Variants in MYO16 observed in about 807,000 individuals in gnomAD.
The protein encoded by MYO16 is myosin XVI, also known as unconventional myosin-XVI.
Under a neutral mutation model 205.3 loss-of-function variants are expected in MYO16, and 94 were observed. The observed-to-expected ratio is 0.46, with a 90% confidence interval of 0.39 to 0.54. The LOEUF is 0.54. Among genes scored for constraint, MYO16 ranks in the 20% least tolerant of loss-of-function variants. MYO16 has a pLI of 0.00. For synonymous variants in MYO16, 988 were observed against 954.0 expected (o/e 1.04, Z -0.66); for missense variants, 2,315 against 2,387.5 (o/e 0.97, Z 0.63).
intron 20 of MYO16, among the ~76,000 whole-genome samples, chr13:108,972,247 C>CTATATATA (rs1249747098): frequency 6.6e-4 from 4 of 6,058 alleles, no homozygotes; most frequent in Admixed American, 5.2e-3. Flanking sequence ...CTCTCTCTCT[C>CTATATATA]TCTATATATA....
rs561603631 is a variant in MYO16, at chr13:109,166,096, C to T, written c.5323+1037C>T. On this transcript the variant is annotated intron_variant, in intron 33 of 34. Coordinates refer to ENST00000457511, the MANE Select transcript of MYO16 (RefSeq NM_001198950.3). ...AGAAATAACCAGGCATAGGAGCACACAAAATAAGATAAAAAATTAAAAGCA... is the reference window on the plus strand; with the variant it reads ...AGAAATAACCAGGCATAGGAGCACATAAAATAAGATAAAAAATTAAAAGCA... Among the ~76,000 whole-genome samples, 6 of 152,112 alleles carry T rather than the reference C, an allele frequency of 3.9e-5. No individual in the cohort carries two copies. The South Asian group carries it at 1.2e-3, about 32-fold the overall frequency.
intron 32 of MYO16, among the ~76,000 whole-genome samples, chr13:109,163,102 T>A (rs971237939): frequency 6.6e-5 from 10 of 152,148 alleles, no homozygotes; most frequent in African/African-American, 2.4e-4. Context: ...ATGCCGATAG[T>A]TTTGCCTTTA....
At chr13:109,184,533 A>C (rs1879595705) in intron 34 of MYO16, among the ~76,000 whole-genome samples, 1 of 152,212 alleles carries the variant, frequency 6.6e-6, no homozygotes, top group Non-Finnish European at 1.5e-5. Flanking sequence ...ATTTATTATC[A>C]GTGAGGAGGA....
At chr13:108,634,143 G>A (rs1880113026) in intron 1 of MYO16, among the ~76,000 whole-genome samples, 1 of 152,136 alleles carries the variant, frequency 6.6e-6, no homozygotes, top group Non-Finnish European at 1.5e-5. Context: ...CAGGCAGGCA[G>A]CACTCTCCTG....
At chr13:108,964,516 A>G (rs536423196) in intron 19 of MYO16, among the ~76,000 whole-genome samples, 124 of 152,348 alleles carry the variant, frequency 8.1e-4, no homozygotes, top group African/African-American at 2.8e-3. Context: ...TACACAACCT[A>G]CAATAAAGGT....
At chr13:108,855,290 T>TTG in intron 10 of MYO16, 153 bp from the exon 11 acceptor site, 4 of 393,834 alleles carry the variant, frequency 1.0e-5, no homozygotes, top group Non-Finnish European at 9.0e-6. Flanking sequence ...TTTTTTTTTT[T>TTG]CTTTTTCATT....
At chr13:108,587,811 G>A in the MYO16 span, among the ~76,000 whole-genome samples, 4,072 of 152,192 alleles carry the variant, frequency 0.027, 175 homozygotes, top group African/African-American at 0.091. Flanking sequence ...CATACAATCA[G>A]GTGGCATTCT....
chr13:109,048,726 T>A (rs1021227133), intron 24 of MYO16: 1 of 165,624 alleles, frequency 6.0e-6, no homozygotes, highest in African/African-American at 2.4e-5. Flanking sequence ...TAAATAATAA[T>A]TTTTATTTGC....
chr13:108,510,572 A>G, the MYO16 span, among the ~76,000 whole-genome samples: 1 of 81,502 alleles, frequency 1.2e-5, no homozygotes, highest in Non-Finnish European at 2.3e-5. Flanking sequence ...CACTGCACCC[A>G]CTAACGTGTC....
intron 33 of MYO16, 47 bp from the exon 34 acceptor site, chr13:109,179,495 G>T: frequency 1.6e-6 from 2 of 1,232,528 alleles, no homozygotes; most frequent in South Asian, 2.4e-5. Context: ...ACTTTATTTG[G>T]AACAAGGAGA....
At position 109,155,466 on chromosome 13, in the gene MYO16, G is replaced by T. The variant is rs530680028; in HGVS notation, c.5165-9435G>T. Among the ~76,000 whole-genome samples, 3 of 152,322 alleles carry T rather than the reference G, an allele frequency of 2.0e-5. No individual in the cohort carries two copies. In the South Asian group the frequency reaches 6.2e-4, roughly 32 times the overall value. ...ACATTTAAAGTCAGTAGAGGGCCGG[G>T]CAAATCCAGTTTCTCAGCACACGCA... is the stretch of plus-strand genomic sequence containing the variant. On this transcript the variant is annotated intron_variant, in intron 32 of 34. Coordinates refer to ENST00000457511, the MANE Select transcript of MYO16 (RefSeq NM_001198950.3).
At chr13:108,984,718 T>G (rs1314379812) in intron 20 of MYO16, among the ~76,000 whole-genome samples, 4 of 152,160 alleles carry the variant, frequency 2.6e-5, no homozygotes, top group Non-Finnish European at 5.9e-5. Flanking sequence ...CTTGGTCATA[T>G]CCTCTGACTC....
intron 10 of MYO16, among the ~76,000 whole-genome samples, chr13:108,848,041 C>A (rs1005301935): frequency 6.6e-6 from 1 of 152,152 alleles, no homozygotes; most frequent in Non-Finnish European, 1.5e-5. Flanking sequence ...TTCAGGTCTG[C>A]AGCTCTGGAG....
At chr13:108,556,383 T>C in the MYO16 span, among the ~76,000 whole-genome samples, 3 of 152,206 alleles carry the variant, frequency 2.0e-5, no homozygotes, top group African/African-American at 7.2e-5. Context: ...TGATGATTAG[T>C]GAGTTTGAGC....
At chr13:109,038,409 G>A (rs539019461) in intron 23 of MYO16, among the ~76,000 whole-genome samples, 3 of 152,232 alleles carry the variant, frequency 2.0e-5, no homozygotes, top group South Asian at 4.1e-4. Context: ...CTGCTTGACT[G>A]CTTGAGCTAC....
At chr13:108,495,789 G>A in the MYO16 span, among the ~76,000 whole-genome samples, 2 of 151,320 alleles carry the variant, frequency 1.3e-5, no homozygotes, top group South Asian at 4.1e-4. Flanking sequence ...GCCTGGCTGC[G>A]CGCAACCGCG....
chr13:108,590,466 G>A, the MYO16 span, among the ~76,000 whole-genome samples: 6 of 152,160 alleles, frequency 3.9e-5, no homozygotes, highest in Non-Finnish European at 7.3e-5. Context: ...TGCACATTTT[G>A]TGTTGAACTG....
chr13:108,996,035 G>C (rs1196256496), intron 21 of MYO16, among the ~76,000 whole-genome samples: 1 of 152,066 alleles, frequency 6.6e-6, no homozygotes, highest in African/African-American at 2.4e-5. Flanking sequence ...GATTCCTCAG[G>C]GATCTTGAAC....
At chr13:109,047,572 G>A (rs1887088582) in intron 24 of MYO16, among the ~76,000 whole-genome samples, 1 of 151,918 alleles carries the variant, frequency 6.6e-6, no homozygotes, top group Non-Finnish European at 1.5e-5. Context: ...TATACAAAAT[G>A]TATATATGTG....
Sources: gnomAD v4.1 joint callset for allele counts (sites outside exome capture counted in the v4.1 genomes callset) on GRCh38, gnomAD v4.1.1 for gene constraint, MANE v1.5 for transcripts, NCBI Gene and HGNC (gene_info 2026-07-23, HGNC 2026-07-21) for gene names.